Variants in FMN2 observed in about 807,000 individuals in gnomAD.
FMN2 encodes formin-2.
FMN2 carries 51 observed loss-of-function variants against 142.3 expected under a neutral mutation model. That is an observed-to-expected ratio of 0.36 (90% CI 0.29 to 0.45). The LOEUF is 0.45. Among genes scored for constraint, FMN2 ranks in the 20% least tolerant of loss-of-function variants. The probability of loss-of-function intolerance (pLI) is 1.00; values close to 1 mark genes in which losing one functional copy is unlikely to be tolerated. For synonymous variants in FMN2, 882 were observed against 869.8 expected, an observed-to-expected ratio of 1.01 and a Z score of -0.25; for missense variants, 1,936 against 2,122.8, an observed-to-expected ratio of 0.91 and a Z score of 1.73.
chr1:240,257,730 T>C (rs1429002191), intron 6 of FMN2, among the ~76,000 whole-genome samples: 1 of 152,136 alleles, frequency 6.6e-6, no homozygotes, highest in African/African-American at 2.4e-5. Context: ...AGGCTGATGG[T>C]GAATAATGGG....
At chr1:240,432,242 T>C (rs1183616041) in intron 15 of FMN2, among the ~76,000 whole-genome samples, 1 of 152,016 alleles carries the variant, frequency 6.6e-6, no homozygotes, top group Non-Finnish European at 1.5e-5. Flanking sequence ...AGTTCTGTTG[T>C]TTAAGTAATT....
At chr1:240,311,137 T>A (rs1161150129) in intron 8 of FMN2, among the ~76,000 whole-genome samples, 2 of 152,276 alleles carry the variant, frequency 1.3e-5, no homozygotes, top group South Asian at 2.1e-4. Flanking sequence ...TTTACACTTC[T>A]CAGGATTGGA....
At chr1:240,170,505 G>A (rs1390854716) in intron 2 of FMN2, 1 of 1,508,662 alleles carries the variant, frequency 6.6e-7, no homozygotes, top group Non-Finnish European at 9.2e-7. Flanking sequence ...AACCTTGCCA[G>A]AATATAAGAG....
At chr1:240,407,892 C>A (rs922806208) in intron 15 of FMN2, among the ~76,000 whole-genome samples, 1 of 152,098 alleles carries the variant, frequency 6.6e-6, no homozygotes. Context: ...AATACTGTGG[C>A]ATGGAAAGTT....
intron 1 of FMN2, among the ~76,000 whole-genome samples, chr1:240,110,425 T>G (rs1661767364): frequency 6.6e-6 from 1 of 152,236 alleles, no homozygotes; most frequent in South Asian, 2.1e-4. Context: ...TTTTTACTTT[T>G]TATAGTGTCA....
intron 15 of FMN2, among the ~76,000 whole-genome samples, chr1:240,426,444 G>T (rs151192645): frequency 6.6e-6 from 1 of 152,224 alleles, no homozygotes; most frequent in East Asian, 1.9e-4. Flanking sequence ...TAAAAGATGT[G>T]TATAGCTATT....
intron 15 of FMN2, among the ~76,000 whole-genome samples, chr1:240,429,911 A>G (rs1419131500): frequency 1.4e-5 from 2 of 146,208 alleles, no homozygotes; most frequent in East Asian, 2.0e-4. Context: ...TTTGAGGCAG[A>G]GTCTCGCTCT....
chr1:240,274,487 G>A (rs564189282), intron 7 of FMN2, among the ~76,000 whole-genome samples: 1 of 152,102 alleles, frequency 6.6e-6, no homozygotes, highest in Non-Finnish European at 1.5e-5. Context: ...AAACAATGGG[G>A]TCTGCGGGGG....
At chr1:240,133,461 G>A (rs998458314) in intron 2 of FMN2, among the ~76,000 whole-genome samples, 1 of 152,118 alleles carries the variant, frequency 6.6e-6, no homozygotes, top group Non-Finnish European at 1.5e-5. Flanking sequence ...ATGAAACACC[G>A]CACCTGGCCA....
chr1:240,145,390 C>A lies in FMN2; in HGVS notation c.1782+22045C>A, dbSNP rs545598445. On this transcript the variant is annotated intron_variant, in intron 2 of 17. Coordinates refer to ENST00000319653, the MANE Select transcript of FMN2 (RefSeq NM_020066.5). ...CCTCCTCCATCTCCGCTGCCACTGC[C>A]CTTTATTTTTTAATTTTCATGGATA... 1.1e-4 allele frequency: 59 copies of A among 519,806 alleles called. 1 individual carries two copies. Among genetic ancestry groups the A allele is most frequent in the Admixed American group, 1.1e-3 (32 of 28,842 alleles). The allele number at this position is 519,806 out of a possible 1,614,324, so 32.2% of individuals were successfully genotyped here. A position where few individuals can be genotyped will look rare whatever the true frequency, so the allele number is the denominator to read the frequency against.
intron 14 of FMN2, among the ~76,000 whole-genome samples, chr1:240,366,245 C>T (rs1287767679): frequency 6.6e-6 from 1 of 152,156 alleles, no homozygotes; most frequent in Non-Finnish European, 1.5e-5. Flanking sequence ...TTTCTCCAAT[C>T]TTATACCTGT....
chr1:240,141,343 A>ATTTT (rs1373613186), intron 2 of FMN2, among the ~76,000 whole-genome samples: 3 of 118,676 alleles, frequency 2.5e-5, no homozygotes, highest in African/African-American at 6.1e-5. Flanking sequence ...AGGCAACGGT[A>ATTTT]TTTTATTTAT....
At chr1:240,203,846 T>G (rs1161099298) in intron 4 of FMN2, among the ~76,000 whole-genome samples, 2 of 152,216 alleles carry the variant, frequency 1.3e-5, no homozygotes, top group Non-Finnish European at 2.9e-5. Flanking sequence ...GTTATTTTTT[T>G]TCCCACTATG....
chr1:240,358,720 A>G (rs1672364068), intron 14 of FMN2, among the ~76,000 whole-genome samples: 1 of 152,136 alleles, frequency 6.6e-6, no homozygotes, highest in Non-Finnish European at 1.5e-5. Flanking sequence ...GGCATGGAGA[A>G]ATGGCCCCCA....
intron 4 of FMN2, among the ~76,000 whole-genome samples, chr1:240,199,081 G>A (rs1026811299): frequency 6.6e-6 from 1 of 151,562 alleles, no homozygotes; most frequent in Admixed American, 6.6e-5. Flanking sequence ...CTCCAGCCTG[G>A]GTGACAGAGG....
chr1:240,428,997 C>T (rs562169206), intron 15 of FMN2, among the ~76,000 whole-genome samples: 1 of 152,082 alleles, frequency 6.6e-6, no homozygotes, highest in Non-Finnish European at 1.5e-5. Context: ...TTTAAAATTT[C>T]TCTTTGATTT....
In FMN2 at chr1:240,329,211, G is replaced by A. The variant is rs757805204; in HGVS notation, c.4307+44G>A. The A allele has an allele frequency of 7.7e-5, 124 of 1,608,946 alleles. 1 individual carries two copies. In the East Asian group the frequency reaches 2.7e-3, roughly 35 times the overall value. ...CACGTAGAGGGCGTCCAGGCTATGG[G>A]TGGGCCCGTTTTGTTTGGAAAATGC... is the stretch of plus-strand genomic sequence containing the variant. On this transcript the variant is annotated intron_variant, in intron 9 of 17. Coordinates refer to ENST00000319653, the MANE Select transcript of FMN2 (RefSeq NM_020066.5).
At position 240,260,043 on chromosome 1, in the gene FMN2, G is replaced by A. The variant is rs148646444; in HGVS notation, c.4153+2011G>A. 3.1e-3 allele frequency among the ~76,000 whole-genome samples: 467 copies of A among 152,214 alleles called. 1 individual carries two copies. Among genetic ancestry groups the A allele is most frequent in the African/African-American group, 0.011 (454 of 41,536 alleles). On this transcript the variant is annotated intron_variant, in intron 7 of 17. Coordinates refer to ENST00000319653, the MANE Select transcript of FMN2 (RefSeq NM_020066.5). ...CTGAGTTACTTCACTTAGAATAATA[G>A]TCCCCAGTTCCATCTAGGTTGCTGT... is the stretch of plus-strand genomic sequence containing the variant.
intron 13 of FMN2, among the ~76,000 whole-genome samples, chr1:240,340,458 G>A (rs2103028057): frequency 6.6e-6 from 1 of 152,220 alleles, no homozygotes; most frequent in East Asian, 1.9e-4. Flanking sequence ...GTGGGCGCCT[G>A]TAATCCCAGC....
Sources: allele counts gnomAD v4.1 joint callset (sites outside exome capture counted in the v4.1 genomes callset), GRCh38; gene constraint gnomAD v4.1.1; transcripts MANE v1.5; gene names NCBI Gene and HGNC (gene_info 2026-07-23, HGNC 2026-07-21).